Variants in TESK2 observed in about 807,000 individuals in gnomAD.
TESK2 encodes testis associated actin remodelling kinase 2.
TESK2 carries 39 observed loss-of-function variants against 57.1 expected under a neutral mutation model. That is an observed-to-expected ratio of 0.68 (90% CI 0.53 to 0.89). The LOEUF (loss-of-function observed/expected upper bound fraction) is 0.89. TESK2 is among the 40% of genes least tolerant of loss of function. The pLI is 0.00. For synonymous variants in TESK2, 249 were observed against 267.9 expected, an observed-to-expected ratio of 0.93 and a Z score of 0.69; for missense variants, 646 against 732.1, an observed-to-expected ratio of 0.88 and a Z score of 1.36.
chr1:45,432,895 C>G (rs1283609984), intron 2 of TESK2, among the ~76,000 whole-genome samples: 1 of 147,708 alleles, frequency 6.8e-6, no homozygotes, highest in Non-Finnish European at 1.5e-5. Flanking sequence ...TCCTGAGTAG[C>G]TGGGACAACA....
Position 45,409,204 on chromosome 1 carries a change from A to G in TESK2, c.344+12521T>C, listed in dbSNP as rs1570699956. Among the ~76,000 whole-genome samples, 6 of 152,364 alleles carry G rather than the reference A, an allele frequency of 3.9e-5. No individual in the cohort carries two copies. The South Asian group carries it at 1.0e-3, about 26-fold the overall frequency. ...TGGAGGCTTTAAGCAATAGGTAAACAAATGAATAAGGTTCTTTTCAGAAGT... is the reference window on the plus strand; with the variant it reads ...TGGAGGCTTTAAGCAATAGGTAAACGAATGAATAAGGTTCTTTTCAGAAGT... On this transcript the variant is annotated intron_variant, in intron 3 of 10. Transcript: ENST00000372086.
intron 2 of TESK2, among the ~76,000 whole-genome samples, chr1:45,440,086 G>C (rs760840139): frequency 6.6e-6 from 1 of 151,908 alleles, no homozygotes; most frequent in Non-Finnish European, 1.5e-5. Flanking sequence ...GGAGTAGCTG[G>C]AATTACAGAC....
At position 45,345,073 on chromosome 1, in the gene TESK2, C is replaced by T. The variant is rs1647119646; in HGVS notation, c.1483G>A (p.Glu495Lys). The T allele has an allele frequency of 6.2e-7, 1 of 1,614,212 alleles. No individual in the cohort carries two copies. Among genetic ancestry groups the T allele is most frequent in the East Asian group, 2.2e-5 (1 of 44,884 alleles). ...RLSSLKYRVK[E>K]IPPFRASALP... Reference sequence around the variant, plus strand: ...GCAGATGCCCGGAATGGTGGGATCTCTTTAACTCTGTACTTGAGACTACTT... The same window carrying T: ...GCAGATGCCCGGAATGGTGGGATCTTTTTAACTCTGTACTTGAGACTACTT... The change falls in exon 11 of 11, where the codon GAG (glutamate) becomes AAG (lysine). Residue 495 changes from glutamate to lysine, a missense_variant. Transcript: ENST00000372086.
intron 3 of TESK2, 51 bp downstream of exon 3, chr1:45,421,674 C>T: frequency 6.2e-7 from 1 of 1,609,930 alleles, no homozygotes; most frequent in Non-Finnish European, 8.5e-7. Flanking sequence ...TTCTAGCAAG[C>T]CTCCAATGTT....
At chr1:45,488,325 A>G (rs1653569379) in intron 1 of TESK2, among the ~76,000 whole-genome samples, 1 of 152,140 alleles carries the variant, frequency 6.6e-6, no homozygotes. Flanking sequence ...CAGTCTCCAA[A>G]CTGACTTCTC....
intron 1 of TESK2, among the ~76,000 whole-genome samples, chr1:45,478,316 C>A (rs993790059): frequency 2.0e-5 from 3 of 152,138 alleles, no homozygotes; most frequent in African/African-American, 7.2e-5. Flanking sequence ...TGATATCACC[C>A]TGCACAAGTC....
In TESK2 at chr1:45,485,521, T is replaced by TA. The variant is rs1446180838; in HGVS notation, c.-87+5330_-87+5331insT. On this transcript the variant is annotated intron_variant, in intron 1 of 10. Transcript: ENST00000372086. ...CTGTTATATAAATTTATTTTTTATT[T>TA]TATTTTTTTTTTTTTGAGACGGAGT... Among the ~76,000 whole-genome samples, 55 of 77,368 alleles carry TA rather than the reference T, an allele frequency of 7.1e-4. 1 individual carries two copies. The highest frequency in any genetic ancestry group is 3.2e-3 in the African/African-American group (53 of 16,706). 50.8% of individuals were successfully genotyped at this position (77,368 alleles called of 152,430 possible).
chr1:45,356,734 T>TTC (rs1432110272), intron 4 of TESK2, among the ~76,000 whole-genome samples: 2 of 152,148 alleles, frequency 1.3e-5, no homozygotes, highest in East Asian at 3.9e-4. Context: ...AGTTTGAAGC[T>TTC]TAAGAACAAA....
At chr1:45,485,502 T>A (rs1337111872) in intron 1 of TESK2, among the ~76,000 whole-genome samples, 1 of 138,012 alleles carries the variant, frequency 7.2e-6, no homozygotes, top group South Asian at 2.3e-4. Context: ...TTCACTGTTA[T>A]ATAAATTTAT....
chr1:45,420,386 A>G (rs1027530064), intron 3 of TESK2, among the ~76,000 whole-genome samples: 10 of 135,376 alleles, frequency 7.4e-5, no homozygotes, highest in African/African-American at 2.8e-4. Context: ...CTACAGGCAC[A>G]TGCCATTATA....
At chr1:45,385,684 A>G (rs1482549019) in intron 4 of TESK2, among the ~76,000 whole-genome samples, 2 of 147,460 alleles carry the variant, frequency 1.4e-5, no homozygotes, top group African/African-American at 5.2e-5. Flanking sequence ...TGTACCCCAG[A>G]ACTTAAAGTG....
At chr1:45,485,183 G>GTTT in intron 1 of TESK2, among the ~76,000 whole-genome samples, 1 of 138,478 alleles carries the variant, frequency 7.2e-6, no homozygotes, top group Non-Finnish European at 1.7e-5. Context: ...TCACTGTTTT[G>GTTT]TTTTTTGTTT....
chr1:45,411,157 A>G (rs1650026661), intron 3 of TESK2, among the ~76,000 whole-genome samples: 1 of 152,172 alleles, frequency 6.6e-6, no homozygotes, highest in South Asian at 2.1e-4. Context: ...AACTGCTCCT[A>G]TAGATAACAT....
intron 4 of TESK2, 91 bp from the exon 5 acceptor site, chr1:45,355,540 A>C: frequency 6.9e-7 from 1 of 1,451,442 alleles, no homozygotes; most frequent in Non-Finnish European, 9.3e-7. Flanking sequence ...TGGAAGAGAG[A>C]GACTGTATTT....
intron 4 of TESK2, among the ~76,000 whole-genome samples, chr1:45,384,593 ATTTTTTTTTTTTTTTTTTTTT>A (rs59988269): frequency 5.6e-5 from 4 of 70,866 alleles, no homozygotes; most frequent in Non-Finnish European, 1.1e-4. Flanking sequence ...CTAATTATTA[ATTTTTTTTTTTTTTTTTTTTT>A]TTTTTTTTTT....
chr1:45,476,407 C>T (rs1478886662), intron 1 of TESK2, among the ~76,000 whole-genome samples: 2 of 152,102 alleles, frequency 1.3e-5, no homozygotes, highest in African/African-American at 4.8e-5. Flanking sequence ...ACTTGGGAGG[C>T]TGAGGCAGGA....
chr1:45,405,212 C>T (rs1008326054), intron 3 of TESK2, among the ~76,000 whole-genome samples: 40 of 152,052 alleles, frequency 2.6e-4, no homozygotes, highest in African/African-American at 9.2e-4. Flanking sequence ...CATCCTGAAT[C>T]TCTCCTTTGA....
At chr1:45,488,519 GAA>G (rs1653577947) in intron 1 of TESK2, among the ~76,000 whole-genome samples, 1 of 152,102 alleles carries the variant, frequency 6.6e-6, no homozygotes, top group South Asian at 2.1e-4. Flanking sequence ...GTACTGAAAA[GAA>G]AAACACACAT....
intron 5 of TESK2, among the ~76,000 whole-genome samples, chr1:45,353,002 G>A (rs1300255634): frequency 2.0e-5 from 3 of 151,892 alleles, no homozygotes; most frequent in South Asian, 2.1e-4. Context: ...GGGTTCAAGC[G>A]ATTCTCCCAT....
Sources: allele counts gnomAD v4.1 joint callset (sites outside exome capture counted in the v4.1 genomes callset), GRCh38; gene constraint gnomAD v4.1.1; transcripts MANE v1.5; gene names NCBI Gene and HGNC (gene_info 2026-07-23, HGNC 2026-07-21).